DNAH10: variants seen among roughly 807,000 people sequenced by gnomAD.
The protein encoded by DNAH10 is dynein axonemal heavy chain 10.
A neutral mutation model predicts 506.6 loss-of-function variants in DNAH10; 348 were observed. The ratio of observed to expected loss-of-function variants is 0.69; its 90% CI spans 0.63 to 0.75. The LOEUF is 0.75. Ranked by LOEUF, DNAH10 falls within the 30% of genes least tolerant of loss-of-function variation. The pLI is 0.00. For synonymous variants in DNAH10, 2,059 were observed against 2,198.6 expected (o/e 0.94, Z 1.78); for missense variants, 5,179 against 5,787.1 (o/e 0.89, Z 3.41).
chr12:123,840,657 A>G (rs1375271180), intron 29 of DNAH10, among the ~76,000 whole-genome samples: 2 of 152,126 alleles, frequency 1.3e-5, no homozygotes, highest in Non-Finnish European at 2.9e-5. Flanking sequence ...CCTCTTTTGC[A>G]AACCTCTGTT....
intron 50 of DNAH10, among the ~76,000 whole-genome samples, chr12:123,880,414 T>G (rs1422846574): frequency 6.6e-6 from 1 of 152,136 alleles, no homozygotes; most frequent in African/African-American, 2.4e-5. Flanking sequence ...ATCACGGCTC[T>G]CTGCAGCCTC....
Position 123,902,940 on chromosome 12 carries a change from C to T in DNAH10, c.9642C>T (p.Ala3214=), listed in dbSNP as rs61734931. ...CTCACCCCCTGTCCTACCCTGCAGCCGAGGAGAAGAAGAAACTGGCAGAGG... is the reference window on the plus strand; with the variant it reads ...CTCACCCCCTGTCCTACCCTGCAGCTGAGGAGAAGAAGAAACTGGCAGAGG... ...LEEIAVNTAV[A]EEKKKLAEEK... Residue 3214 remains alanine (A), a splice_region_variant and synonymous_variant, in exon 57 of 79, where the codon GCC becomes GCT. Transcript: ENST00000673944. This position sits in a 1 kb window ranked among gnomAD's most constrained non-coding sequence, Gnocchi z 4.5. 1.4e-3 allele frequency: 2,247 copies of T among 1,580,630 alleles called. 31 individuals are homozygous for T. Among genetic ancestry groups the T allele is most frequent in the South Asian group, 0.01 (866 of 86,054 alleles).
chr12:123,935,010 T>G, intron 78 of DNAH10: 3 of 620,988 alleles, frequency 4.8e-6, no homozygotes, highest in Admixed American at 3.0e-5. Flanking sequence ...GATCCTGTGG[T>G]CTAGACTAAC....
At chr12:123,823,529 G>A (rs1050167810) in intron 24 of DNAH10, among the ~76,000 whole-genome samples, 3 of 152,172 alleles carry the variant, frequency 2.0e-5, no homozygotes, top group Admixed American at 2.0e-4. Context: ...AATTCATAAA[G>A]TTAAAAACAT....
chr12:123,825,223 T>C (rs1959844204), intron 24 of DNAH10, among the ~76,000 whole-genome samples: 1 of 149,284 alleles, frequency 6.7e-6, no homozygotes, highest in Non-Finnish European at 1.5e-5. Context: ...CACTGGTGAC[T>C]GCAACAAGAA....
Position 123,933,202 on chromosome 12 carries a change from G to C in DNAH10, c.13297-129G>C, listed in dbSNP as rs528280738. 4.3e-5 allele frequency: 36 copies of C among 835,036 alleles called. No homozygotes were observed. In the African/African-American group the frequency reaches 6.0e-4, roughly 14 times the overall value. 51.7% of individuals were successfully genotyped at this position (835,036 alleles called of 1,614,324 possible). On this transcript the variant is annotated intron_variant, in intron 76 of 78. Coordinates refer to ENST00000673944, the MANE Select transcript of DNAH10 (RefSeq NM_001372106.1). ...GTTTTTCTCAGACAGGCGGCCAGTTGTGCCAACGCCATCTTTTGCCACTTA... is the reference window on the plus strand; with the variant it reads ...GTTTTTCTCAGACAGGCGGCCAGTTCTGCCAACGCCATCTTTTGCCACTTA...
rs919969678 is a variant in DNAH10, at chr12:123,881,847, C to T, written c.8823+34C>T. 1.9e-5 allele frequency: 28 copies of T among 1,438,770 alleles called. 1 individual carries two copies. Among genetic ancestry groups the T allele is most frequent in the African/African-American group, 8.8e-5 (6 of 68,512 alleles). The allele number at this position is 1,438,770 out of a possible 1,614,324, so 89.1% of individuals were successfully genotyped here. A position where few individuals can be genotyped will look rare whatever the true frequency, so the allele number is the denominator to read the frequency against. On this transcript the variant is annotated intron_variant, in intron 51 of 78. Transcript: ENST00000673944. ...ACGTACCCTCCCAGAAATAGGTTTA[C>T]GATGCCAGTTTCTGCAGTTGGTAGT...
intron 51 of DNAH10, among the ~76,000 whole-genome samples, chr12:123,883,423 G>A (rs543290000): frequency 6.6e-6 from 1 of 152,294 alleles, no homozygotes; most frequent in East Asian, 1.9e-4. Flanking sequence ...CTCTCGAAGT[G>A]GAGCAGACAC....
intron 45 of DNAH10, among the ~76,000 whole-genome samples, chr12:123,872,297 A>G (rs1215202168): frequency 6.6e-6 from 1 of 152,112 alleles, no homozygotes. Flanking sequence ...TCTGTTCTGT[A>G]GGGATTTGCA....
intron 11 of DNAH10, among the ~76,000 whole-genome samples, chr12:123,792,608 T>C (rs1265284843): frequency 6.6e-6 from 1 of 152,092 alleles, no homozygotes; most frequent in Non-Finnish European, 1.5e-5. Context: ...TACAGGTGTG[T>C]GCCACCACAC....
At chr12:123,786,955 T>C (rs1957879124) in intron 9 of DNAH10, among the ~76,000 whole-genome samples, 1 of 152,080 alleles carries the variant, frequency 6.6e-6, no homozygotes, top group African/African-American at 2.4e-5. Context: ...CTGGCCAACA[T>C]GGTGAAATCC....
intron 30 of DNAH10, among the ~76,000 whole-genome samples, chr12:123,842,037 T>C (rs1950793946): frequency 6.6e-6 from 1 of 152,198 alleles, no homozygotes; most frequent in Non-Finnish European, 1.5e-5. Flanking sequence ...AGTCTTTCAA[T>C]GATCACCCGA....
chr12:123,896,148 C>CAGAGAGAGAGAG (rs71444923), intron 54 of DNAH10, among the ~76,000 whole-genome samples: 2 of 95,322 alleles, frequency 2.1e-5, no homozygotes, highest in Non-Finnish European at 3.9e-5. Context: ...CACACACACA[C>CAGAGAGAGAGAG]AGAGAGAGAG....
At chr12:123,861,423 G>A (rs1225537374) in intron 39 of DNAH10, among the ~76,000 whole-genome samples, 1 of 152,246 alleles carries the variant, frequency 6.6e-6, no homozygotes, top group Admixed American at 6.5e-5. Context: ...GGAAACTGAG[G>A]CCTAGAAAAG....
intron 1 of DNAH10, among the ~76,000 whole-genome samples, chr12:123,766,210 T>A (rs1471646473): frequency 6.6e-6 from 1 of 151,920 alleles, no homozygotes; most frequent in Non-Finnish European, 1.5e-5. Flanking sequence ...TACCTACATG[T>A]CTGTTTATCT....
chr12:123,840,014 G>A (rs980551510), intron 29 of DNAH10, among the ~76,000 whole-genome samples: 21 of 152,044 alleles, frequency 1.4e-4, no homozygotes, highest in African/African-American at 4.8e-4. Flanking sequence ...CCTGGGCAGG[G>A]GCTCTGAGCC....
intron 3 of DNAH10, 93 bp downstream of exon 3, chr12:123,771,791 A>T: frequency 2.8e-6 from 3 of 1,071,972 alleles, no homozygotes; most frequent in Non-Finnish European, 2.7e-6. Flanking sequence ...CATCCAAGGG[A>T]TTTATCATGT....
At chr12:123,789,369 C>CGAGA (rs1326220224) in intron 10 of DNAH10, among the ~76,000 whole-genome samples, 10 of 151,526 alleles carry the variant, frequency 6.6e-5, no homozygotes, top group African/African-American at 2.4e-5. Context: ...TTTATCATCT[C>CGAGA]ACCTCTTTGT....
At position 123,925,585 on chromosome 12, in the gene DNAH10, G is replaced by A; in HGVS notation, c.11921+381G>A. The stretch of plus-strand genomic sequence containing the variant: ...TGGTATTAAGTCTACAAAATCCTGT[G>A]TGAATTCACACTTACAGCACATCTC... On this transcript the variant is annotated intron_variant, in intron 68 of 78. Transcript: ENST00000673944. The surrounding 1 kb of genome is among the most constrained non-coding windows in gnomAD (Gnocchi z 4.0). 1 of 180,826 alleles carries A rather than the reference G, an allele frequency of 5.5e-6. No homozygotes were observed. The highest frequency in any genetic ancestry group is 1.2e-5 in the Non-Finnish European group (1 of 86,494). The allele number at this position is 180,826 out of a possible 1,614,324, so 11.2% of individuals were successfully genotyped here. A position where few individuals can be genotyped will look rare whatever the true frequency, so the allele number is the denominator to read the frequency against.
Sources: gnomAD v4.1 joint callset for allele counts (sites outside exome capture counted in the v4.1 genomes callset) on GRCh38, gnomAD v4.1.1 for gene constraint, Gnocchi (gnomAD v3.1) non-coding constraint, MANE v1.5 for transcripts, NCBI Gene and HGNC (gene_info 2026-07-23, HGNC 2026-07-21) for gene names.